Variants in UTRN observed in about 807,000 individuals in gnomAD.
UTRN encodes utrophin.
In UTRN, 283 loss-of-function variants were observed where a neutral mutation model predicts 463.9. That is an observed-to-expected ratio of 0.61 (90% CI 0.55 to 0.67). The LOEUF (loss-of-function observed/expected upper bound fraction) is 0.67. Ranked by LOEUF, UTRN falls within the 30% of genes least tolerant of loss-of-function variation. The pLI is 0.00. For missense variants in UTRN, 3,922 were observed against 4,084.3 expected (o/e 0.96, Z 1.08); for synonymous variants, 1,442 against 1,431.5 (o/e 1.01, Z -0.17).
At chr6:144,748,964 A>G (rs1791073899) in intron 55 of UTRN, among the ~76,000 whole-genome samples, 1 of 151,776 alleles carries the variant, frequency 6.6e-6, no homozygotes, top group Non-Finnish European at 1.5e-5. Flanking sequence ...GTTCCTCTCT[A>G]CTCGGTATCT....
chr6:144,418,832 A>C (rs1341439639), intron 3 of UTRN, among the ~76,000 whole-genome samples: 1 of 152,046 alleles, frequency 6.6e-6, no homozygotes, highest in Non-Finnish European at 1.5e-5. Context: ...GATTACAGAC[A>C]TGAGCCACCG....
chr6:144,639,015 A>G (rs1777493053), intron 51 of UTRN, among the ~76,000 whole-genome samples: 1 of 152,128 alleles, frequency 6.6e-6, no homozygotes, highest in South Asian at 2.1e-4. Context: ...GCTGCAGTGA[A>G]CTATGATCTT....
At chr6:144,732,259 C>CATATATATATATAAATATATATAT in intron 54 of UTRN, among the ~76,000 whole-genome samples, 1 of 94,712 alleles carries the variant, frequency 1.1e-5, no homozygotes, top group East Asian at 4.3e-4. Flanking sequence ...TATATATATA[C>CATATATATATATAAATATATATAT]ACACATATAT....
intron 2 of UTRN, chr6:144,398,439 A>G: frequency 5.4e-6 from 2 of 368,402 alleles, no homozygotes; most frequent in South Asian, 5.2e-5. Flanking sequence ...CCTCTGAAGA[A>G]CATCATGGAA....
chr6:144,762,533 C>T (rs1312700460), intron 58 of UTRN, among the ~76,000 whole-genome samples: 1 of 152,190 alleles, frequency 6.6e-6, no homozygotes, highest in African/African-American at 2.4e-5. Flanking sequence ...TTTCCATAGG[C>T]TAATTTCTAC....
chr6:144,618,340 ATAC>A (rs1304510692), intron 51 of UTRN, among the ~76,000 whole-genome samples: 2 of 152,172 alleles, frequency 1.3e-5, no homozygotes, highest in African/African-American at 2.4e-5. Context: ...TTTATTGATG[ATAC>A]TACTAAGTAC....
At chr6:144,802,867 A>G (rs1405227704) in intron 64 of UTRN, among the ~76,000 whole-genome samples, 169 bp from the exon 65 acceptor site, 3 of 152,134 alleles carry the variant, frequency 2.0e-5, no homozygotes, top group African/African-American at 7.2e-5. Context: ...TCTGACATGC[A>G]TATTTGTCTC....
chr6:144,705,120 G>A (rs9497053), intron 53 of UTRN, among the ~76,000 whole-genome samples: 44,891 of 152,012 alleles, frequency 0.3, 7,988 homozygotes, highest in Admixed American at 0.45. Flanking sequence ...TGTGAATTGT[G>A]TGTGGCCATG....
intron 54 of UTRN, among the ~76,000 whole-genome samples, chr6:144,742,191 G>A (rs1046765279): frequency 2.6e-5 from 4 of 152,084 alleles, no homozygotes; most frequent in Non-Finnish European, 5.9e-5. Context: ...ATATTAACAG[G>A]TGAATCTGCT....
intron 51 of UTRN, among the ~76,000 whole-genome samples, chr6:144,616,843 C>A (rs1257307708): frequency 6.6e-6 from 1 of 152,106 alleles, no homozygotes; most frequent in Non-Finnish European, 1.5e-5. Flanking sequence ...AGGTTCTATT[C>A]CAGGCGCAGG....
chr6:144,744,977 C>T (rs970642272), intron 54 of UTRN, among the ~76,000 whole-genome samples: 5 of 152,148 alleles, frequency 3.3e-5, no homozygotes, highest in Admixed American at 2.0e-4. Flanking sequence ...TTAGAACCAC[C>T]TGGGGAGCTT....
chr6:144,794,163 A>C (rs6570646), intron 63 of UTRN, among the ~76,000 whole-genome samples, 172 bp downstream of exon 63: 52 of 152,290 alleles, frequency 3.4e-4, no homozygotes, highest in African/African-American at 1.3e-3. Flanking sequence ...AAAAATAGCA[A>C]CCCTTGCAAA....
At chr6:144,736,851 T>C (rs1196545348) in intron 54 of UTRN, among the ~76,000 whole-genome samples, 1 of 152,190 alleles carries the variant, frequency 6.6e-6, no homozygotes. Flanking sequence ...CAGGTAGTGG[T>C]CTTCCTTGCC....
At chr6:144,476,377 G>C (rs556744352) in intron 25 of UTRN, among the ~76,000 whole-genome samples, 1 of 151,968 alleles carries the variant, frequency 6.6e-6, no homozygotes, top group Non-Finnish European at 1.5e-5. Flanking sequence ...GAGGCTTAAC[G>C]AAGTAGTGAT....
At chr6:144,695,167 C>T (rs867839071) in intron 52 of UTRN, among the ~76,000 whole-genome samples, 2 of 152,004 alleles carry the variant, frequency 1.3e-5, no homozygotes, top group Admixed American at 1.3e-4. Flanking sequence ...AAGAAAATGT[C>T]TGCTAAGATC....
intron 62 of UTRN, among the ~76,000 whole-genome samples, chr6:144,790,806 T>G (rs1776695799): frequency 6.6e-6 from 1 of 152,216 alleles, no homozygotes; most frequent in South Asian, 2.1e-4. Context: ...TTTTATCATC[T>G]CTGATTTGGG....
intron 51 of UTRN, among the ~76,000 whole-genome samples, chr6:144,669,750 C>A (rs1157920838): frequency 6.6e-6 from 1 of 152,078 alleles, no homozygotes; most frequent in Non-Finnish European, 1.5e-5. Context: ...CCACCCTTCC[C>A]CTGGAGCTCC....
chr6:144,714,121 G>T (rs958321779), intron 53 of UTRN, among the ~76,000 whole-genome samples: 2 of 152,152 alleles, frequency 1.3e-5, no homozygotes, highest in African/African-American at 4.8e-5. Context: ...AAGGCACTAT[G>T]TAGGAGATTT....
chr6:144,514,701 G>T lies in UTRN; in HGVS notation c.5125G>T (p.Asp1709Tyr), dbSNP rs573817723. ...DANLQVENVR[D>Y]QALILMNARG... ...CAACCTCCAGGTTGAAAATGTCCGC[G>T]ATCAAGCCCTTATTTTGATGAATGC... Residue 1709 changes from aspartate (D) to tyrosine (Y), a missense_variant, in exon 37 of 75, where the codon GAT (aspartate) becomes TAT (tyrosine). Asp to Tyr is a radical substitution (Grantham distance 160). This residue lies in a region of UTRN where 2,349 missense variants were observed against 2,303.8 expected (regional missense o/e 1.02). Coordinates refer to ENST00000367545, the MANE Select transcript of UTRN (RefSeq NM_007124.3). The T allele has an allele frequency of 6.2e-7, 1 of 1,614,146 alleles. No individual in the cohort carries two copies. Among genetic ancestry groups the T allele is most frequent in the Non-Finnish European group, 8.5e-7 (1 of 1,180,020 alleles).
Sources: gnomAD v4.1 joint callset for allele counts (sites outside exome capture counted in the v4.1 genomes callset) on GRCh38, gnomAD v4.1.1 for gene constraint, gnomAD v4.1.1 regional missense constraint, MANE v1.5 for transcripts, NCBI Gene and HGNC (gene_info 2026-07-23, HGNC 2026-07-21) for gene names.